The following FBXO34 variants were observed in gnomAD, a reference collection of about 807,000 sequenced individuals.
The protein encoded by FBXO34 is F-box only protein 34.
A neutral mutation model predicts 24.5 loss-of-function variants in FBXO34; 12 were observed. That is an observed-to-expected ratio of 0.49 (90% CI 0.31 to 0.79). The LOEUF (loss-of-function observed/expected upper bound fraction) is 0.79. FBXO34 is among the 30% of genes least tolerant of loss of function. The pLI is 0.04. For missense variants in FBXO34, 823 were observed against 857.7 expected (o/e 0.96, Z 0.51); for synonymous variants, 320 against 311.9 (o/e 1.03, Z -0.27).
chr14:55,308,027 T>C (rs533808050), intron 1 of FBXO34, among the ~76,000 whole-genome samples: 1 of 152,274 alleles, frequency 6.6e-6, no homozygotes, highest in South Asian at 2.1e-4. Context: ...GTAATAAGTC[T>C]CACGAGATCC....
chr14:55,323,184 CAAAAAAAAAAAA>C (rs368380622), intron 1 of FBXO34, among the ~76,000 whole-genome samples: 11 of 12,166 alleles, frequency 9.0e-4, no homozygotes, highest in East Asian at 7.0e-3. Flanking sequence ...GACTCTGTCT[CAAAAAAAAAAAA>C]AAAAAAAAAA....
At chr14:55,431,700 C>T in the FBXO34 span, among the ~76,000 whole-genome samples, 1 of 152,168 alleles carries the variant, frequency 6.6e-6, no homozygotes, top group African/African-American at 2.4e-5. Context: ...AATGTAGTAA[C>T]AATGGATCCT....
At chr14:55,384,794 T>C in the FBXO34 span, among the ~76,000 whole-genome samples, 1 of 152,140 alleles carries the variant, frequency 6.6e-6, no homozygotes. Context: ...AATCCTCAAT[T>C]AGAGCAGCCT....
intron 1 of FBXO34, among the ~76,000 whole-genome samples, chr14:55,274,715 CTTAAT>C (rs755164885): frequency 6.6e-6 from 1 of 151,944 alleles, no homozygotes; most frequent in Non-Finnish European, 1.5e-5. Context: ...ATTTTTTAAA[CTTAAT>C]TTATGTTCAG....
the FBXO34 span, among the ~76,000 whole-genome samples, chr14:55,380,875 A>ATATATATATATATTTTTT: frequency 3.9e-4 from 44 of 112,688 alleles, no homozygotes; most frequent in Non-Finnish European, 7.0e-4. Flanking sequence ...ATATATATAT[A>ATATATATATATATTTTTT]TTTTTTTTTT....
chr14:55,401,946 G>A, the FBXO34 span, among the ~76,000 whole-genome samples: 134 of 152,280 alleles, frequency 8.8e-4, no homozygotes, highest in African/African-American at 3.0e-3. Flanking sequence ...AAACAATGAC[G>A]GGAGTATGCT....
chr14:55,425,455 G>A, the FBXO34 span, among the ~76,000 whole-genome samples: 1 of 152,192 alleles, frequency 6.6e-6, no homozygotes, highest in African/African-American at 2.4e-5. Context: ...AAATGATATT[G>A]AACTGCATTT....
the FBXO34 span, among the ~76,000 whole-genome samples, chr14:55,422,790 T>C: frequency 2.0e-5 from 3 of 151,832 alleles, no homozygotes; most frequent in African/African-American, 7.3e-5. Flanking sequence ...GAGGTGGAGG[T>C]TGCAGTGAGC....
chr14:55,382,342 T>G, the FBXO34 span: 1 of 650,616 alleles, frequency 1.5e-6, no homozygotes, highest in Non-Finnish European at 2.6e-6. Context: ...GAGATGGGTG[T>G]CACTCTGTTA....
At chr14:55,419,954 T>G in the FBXO34 span, among the ~76,000 whole-genome samples, 2 of 152,238 alleles carry the variant, frequency 1.3e-5, no homozygotes, top group South Asian at 2.1e-4. Flanking sequence ...TGTGCCATGC[T>G]GCACTAGGCC....
chr14:55,379,353 T>C, the FBXO34 span, among the ~76,000 whole-genome samples: 8,844 of 151,584 alleles, frequency 0.058, 325 homozygotes, highest in South Asian at 0.09. Flanking sequence ...CTGGGCAACA[T>C]AGGGAGACCC....
At chr14:55,360,977 GAT>G (rs911800625) in intron 3 of FBXO34, among the ~76,000 whole-genome samples, 11 of 151,964 alleles carry the variant, frequency 7.2e-5, no homozygotes, top group African/African-American at 2.7e-4. Flanking sequence ...CAGCCTGGGT[GAT>G]AGAGTGAGAT....
At chr14:55,420,831 G>T in the FBXO34 span, among the ~76,000 whole-genome samples, 3 of 151,954 alleles carry the variant, frequency 2.0e-5, no homozygotes, top group Non-Finnish European at 4.4e-5. Flanking sequence ...TGGCCGAGGC[G>T]GGTGGATCAC....
At chr14:55,393,186 C>T in the FBXO34 span, among the ~76,000 whole-genome samples, 2 of 151,938 alleles carry the variant, frequency 1.3e-5, no homozygotes, top group African/African-American at 4.8e-5. Flanking sequence ...TTGAGACCAT[C>T]CTGGCTAACA....
chr14:55,380,832 C>T, the FBXO34 span: 1 of 268,696 alleles, frequency 3.7e-6, no homozygotes, highest in Non-Finnish European at 6.8e-6. Context: ...CATGACCAGA[C>T]ATAAATGGTC....
intron 1 of FBXO34, among the ~76,000 whole-genome samples, chr14:55,292,234 A>AT (rs1374779239): frequency 1.3e-5 from 2 of 152,120 alleles, no homozygotes; most frequent in Admixed American, 1.3e-4. Context: ...TTAAACTGTA[A>AT]TTTTTTAAAT....
intron 1 of FBXO34, among the ~76,000 whole-genome samples, chr14:55,309,933 T>C (rs905036863): frequency 2.6e-5 from 4 of 152,168 alleles, no homozygotes; most frequent in African/African-American, 9.7e-5. Flanking sequence ...TTCTGATCCT[T>C]ATCAGTCAGT....
At chr14:55,343,597 T>C (rs775007258) in intron 1 of FBXO34, among the ~76,000 whole-genome samples, 1 of 152,178 alleles carries the variant, frequency 6.6e-6, no homozygotes, top group Non-Finnish European at 1.5e-5. Flanking sequence ...TGCTAATAAG[T>C]GACTCCTTTT....
chr14:55,374,106 C>T (rs1310877394), downstream of FBXO34, among the ~76,000 whole-genome samples: 1 of 152,248 alleles, frequency 6.6e-6, no homozygotes, highest in Non-Finnish European at 1.5e-5. Flanking sequence ...GCTTTTTTCC[C>T]TCAACTACCA....
Sources: allele counts gnomAD v4.1 joint callset (sites outside exome capture counted in the v4.1 genomes callset), GRCh38; gene constraint gnomAD v4.1.1; transcripts MANE v1.5; gene names NCBI Gene and HGNC (gene_info 2026-07-23, HGNC 2026-07-21).